Variants in FBXO33 observed in about 807,000 individuals in gnomAD.
The protein encoded by FBXO33 is F-box protein 33.
A neutral mutation model predicts 46.3 loss-of-function variants in FBXO33; 22 were observed. The observed-to-expected ratio is 0.48, with a 90% CI of 0.34 to 0.68. The LOEUF is 0.68. Among genes scored for constraint, FBXO33 ranks in the 30% least tolerant of loss-of-function variants. The pLI is 0.01. For missense variants in FBXO33, 692 were observed against 708.8 expected (o/e 0.98, Z 0.27); for synonymous variants, 337 against 291.3 (o/e 1.16, Z -1.60).
chr14:39,416,305 T>C (rs2075448660), intron 1 of FBXO33, among the ~76,000 whole-genome samples: 1 of 152,176 alleles, frequency 6.6e-6, no homozygotes, highest in Admixed American at 6.5e-5. Flanking sequence ...CTTTATGTCT[T>C]TGATTTTTGA....
chr14:39,410,299 G>T (rs984368526), intron 1 of FBXO33, among the ~76,000 whole-genome samples: 2 of 152,142 alleles, frequency 1.3e-5, no homozygotes, highest in African/African-American at 2.4e-5. Context: ...ACATGGTCAA[G>T]ATTTTTATCC....
chr14:39,402,965 T>A (rs911619602), intron 1 of FBXO33, among the ~76,000 whole-genome samples: 1 of 152,076 alleles, frequency 6.6e-6, no homozygotes, highest in Non-Finnish European at 1.5e-5. Flanking sequence ...TAAAGATTGG[T>A]TCAGGAACTA....
In FBXO33 at chr14:39,406,787, G is replaced by GC. The variant is rs2075400899; in HGVS notation, c.600-4277_600-4276insG. Among the ~76,000 whole-genome samples the GC allele has an allele frequency of 2.0e-5, 3 of 152,328 alleles. No homozygotes were observed. The South Asian group carries it at 6.2e-4, about 32-fold the overall frequency. ...CTGAAGAGAGAACCGCTGGAAAGCA[G>GC]TAGAGTCCACACAGTGGTAAGGTAA... On this transcript the variant is annotated intron_variant, in intron 1 of 3. Transcript: ENST00000298097.
At chr14:39,426,252 G>GT (rs1457388285) in intron 1 of FBXO33, among the ~76,000 whole-genome samples, 2 of 151,830 alleles carry the variant, frequency 1.3e-5, no homozygotes, top group African/African-American at 2.4e-5. Flanking sequence ...AAAAAATATT[G>GT]TTTTTTCCTT....
chr14:39,407,299 G>A lies in FBXO33; in HGVS notation c.600-4788C>T, dbSNP rs1301779452. ...AAGTAAATGGAATGCCATGTCTGTT[G>A]GTTGGAAGTTTCAATACTGTTAACA... is the stretch of plus-strand genomic sequence containing the variant. On this transcript the variant is annotated intron_variant, in intron 1 of 3. Coordinates refer to ENST00000298097, the MANE Select transcript of FBXO33 (RefSeq NM_203301.4). 2.0e-5 allele frequency among the ~76,000 whole-genome samples: 3 copies of A among 152,174 alleles called. No homozygotes were observed. The East Asian group carries it at 5.8e-4, about 29-fold the overall frequency.
At chr14:39,431,445 C>T in intron 1 of FBXO33, 119 bp downstream of exon 1, 1 of 1,524,794 alleles carries the variant, frequency 6.6e-7, no homozygotes, top group Non-Finnish European at 8.8e-7. Flanking sequence ...CACTCTCCGT[C>T]ACTGAGGAAG....
intron 1 of FBXO33, among the ~76,000 whole-genome samples, chr14:39,404,854 TAAGAA>T (rs2075386135): frequency 6.6e-6 from 1 of 151,878 alleles, no homozygotes; most frequent in Admixed American, 6.6e-5. Context: ...ACAATCATTT[TAAGAA>T]AAGAATAGGC....
At chr14:39,400,399 AAGACTGGCTTAAATTAACTT>A (rs2075363283) in intron 3 of FBXO33, among the ~76,000 whole-genome samples, 1 of 152,214 alleles carries the variant, frequency 6.6e-6, no homozygotes, top group African/African-American at 2.4e-5. Flanking sequence ...AGGCTTTAAA[AAGACTGGCTTAAATTAACTT>A]TTAAATAACC....
intron 1 of FBXO33, among the ~76,000 whole-genome samples, chr14:39,405,414 A>G (rs569665278): frequency 1.1e-4 from 17 of 152,018 alleles, no homozygotes; most frequent in Non-Finnish European, 2.5e-4. Flanking sequence ...TAACTCCTAA[A>G]TTTTCTGGGT....
At chr14:39,420,418 C>T (rs545044007) in intron 1 of FBXO33, among the ~76,000 whole-genome samples, 84 of 151,474 alleles carry the variant, frequency 5.5e-4, no homozygotes, top group Non-Finnish European at 9.6e-4. Flanking sequence ...GGCTGGGCGC[C>T]GGTGGCTCAC....
chr14:39,400,691 G>A (rs1432262041), intron 3 of FBXO33, among the ~76,000 whole-genome samples: 1 of 152,136 alleles, frequency 6.6e-6, no homozygotes, highest in East Asian at 1.9e-4. Flanking sequence ...ACCAACTCTA[G>A]ATCCAAATGA....
chr14:39,426,473 C>T (rs2075515632), intron 1 of FBXO33, among the ~76,000 whole-genome samples: 3 of 152,194 alleles, frequency 2.0e-5, no homozygotes, highest in Non-Finnish European at 4.4e-5. Context: ...TCTTAAAATG[C>T]AAATGATATC....
Position 39,432,284 on chromosome 14 carries a change from TCTC to T in FBXO33, c.-125_-123del, listed in dbSNP as rs2075566874. On this transcript the variant is annotated 5_prime_UTR_variant, in exon 1 of 4. Coordinates refer to ENST00000298097, the MANE Select transcript of FBXO33 (RefSeq NM_203301.4). ...GCCTGCCGGGAGCCAGCCTCTGTCTTCTCAAACTCTACTCACGTGCGTCCGAGG... is the reference window on the plus strand; with the variant it reads ...GCCTGCCGGGAGCCAGCCTCTGTCTTAAACTCTACTCACGTGCGTCCGAGG... 1.2e-6 allele frequency: 1 copy of T among 816,344 alleles called. No homozygotes were observed. The allele number at this position is 816,344 out of a possible 1,614,324, so 50.6% of individuals were successfully genotyped here.
intron 1 of FBXO33, among the ~76,000 whole-genome samples, chr14:39,427,583 G>A (rs1001260636): frequency 6.6e-6 from 1 of 152,018 alleles, no homozygotes; most frequent in Non-Finnish European, 1.5e-5. Flanking sequence ...ATACCTTCAA[G>A]GCATTTTCTA....
chr14:39,420,723 A>G (rs1239342309), intron 1 of FBXO33, among the ~76,000 whole-genome samples: 1 of 152,134 alleles, frequency 6.6e-6, no homozygotes, highest in African/African-American at 2.4e-5. Context: ...CAAATGTGGT[A>G]AAATCTTCAA....
chr14:39,431,515 C>T, intron 1 of FBXO33, 49 bp downstream of exon 1: 3 of 1,602,504 alleles, frequency 1.9e-6, no homozygotes, highest in East Asian at 2.2e-5. Context: ...GGTGCGGGGA[C>T]GGAGCGACCC....
At chr14:39,416,070 T>G (rs1407764921) in intron 1 of FBXO33, among the ~76,000 whole-genome samples, 1 of 152,152 alleles carries the variant, frequency 6.6e-6, no homozygotes, top group African/African-American at 2.4e-5. Flanking sequence ...CACTAGTGAG[T>G]TTTTTACTGT....
At chr14:39,411,525 C>CG (rs1307284990) in intron 1 of FBXO33, among the ~76,000 whole-genome samples, 1 of 150,842 alleles carries the variant, frequency 6.6e-6, no homozygotes, top group East Asian at 2.0e-4. Flanking sequence ...GACTTCCCCC[C>CG]CCTTTTTTTT....
rs773449521 is a variant in FBXO33 at position 39,431,716 on chromosome 14, C to G, written c.447G>C (p.Leu149=). 6.2e-7 allele frequency: 1 copy of G among 1,613,424 alleles called. No individual in the cohort carries two copies. The highest frequency in any genetic ancestry group is 1.1e-5 in the South Asian group (1 of 91,082). ...CTCCGTCCCCTGGGCCACCGCCGCT[C>G]AGATAGTTCTCGGCGGCGAATTCAA... ...LRVEFAAENY[L]SGGGPGDGGG... is the part of the protein sequence containing the mutation. Residue 149 remains leucine (L), a synonymous_variant, in exon 1 of 4, where the codon CTG becomes CTC. Coordinates refer to ENST00000298097, the MANE Select transcript of FBXO33 (RefSeq NM_203301.4).
Sources: gnomAD v4.1 joint callset for allele counts (sites outside exome capture counted in the v4.1 genomes callset) on GRCh38, gnomAD v4.1.1 for gene constraint, MANE v1.5 for transcripts, NCBI Gene and HGNC (gene_info 2026-07-23, HGNC 2026-07-21) for gene names.